Variants in CDH12 observed in about 807,000 individuals in gnomAD.
CDH12 encodes cadherin-12.
A neutral mutation model predicts 74.1 loss-of-function variants in CDH12; 41 were observed. That is an observed-to-expected ratio of 0.55 (90% CI 0.43 to 0.72). The LOEUF is 0.72. Among genes scored for constraint, CDH12 ranks in the 30% least tolerant of loss-of-function variants. The pLI is 0.00. For synonymous variants in CDH12, 399 were observed against 355.0 expected (o/e 1.12, Z -1.39); for missense variants, 945 against 977.2 (o/e 0.97, Z 0.44).
intron 6 of CDH12, among the ~76,000 whole-genome samples, chr5:21,865,492 G>C (rs1751278099): frequency 6.6e-6 from 1 of 152,092 alleles, no homozygotes; most frequent in Admixed American, 6.6e-5. Flanking sequence ...AGTGCTCTGG[G>C]AGGGCAGAAT....
chr5:22,317,256 T>C lies in CDH12; in HGVS notation c.-333+88001A>G, dbSNP rs113163117. ...TGGCTTGAACCTGGGAGGCGGAGAT[T>C]GCAGTGGGCCAAGATTGCACCATTG... On this transcript the variant is annotated intron_variant, in intron 3 of 14. Coordinates refer to ENST00000382254, the MANE Select transcript of CDH12 (RefSeq NM_004061.5). Among the ~76,000 whole-genome samples the C allele has an allele frequency of 1.9e-3, 285 of 152,124 alleles. 1 individual carries two copies. The highest frequency in any genetic ancestry group is 3.9e-3 in the Admixed American group (60 of 15,270).
intron 5 of CDH12, among the ~76,000 whole-genome samples, chr5:22,040,175 A>T (rs1187738817): frequency 6.6e-6 from 1 of 151,994 alleles, no homozygotes; most frequent in Admixed American, 6.6e-5. Flanking sequence ...GTAAAAAAAA[A>T]TTACAGTAGA....
intron 1 of CDH12, among the ~76,000 whole-genome samples, chr5:22,743,543 T>C (rs1745142180): frequency 6.6e-6 from 1 of 152,028 alleles, no homozygotes; most frequent in Non-Finnish European, 1.5e-5. Flanking sequence ...GCATTCTCAT[T>C]TGTAAGACTG....
chr5:22,134,046 A>G (rs1204318897), intron 4 of CDH12, among the ~76,000 whole-genome samples: 1 of 152,132 alleles, frequency 6.6e-6, no homozygotes, highest in African/African-American at 2.4e-5. Flanking sequence ...GAAGAATTAC[A>G]GAGAACAGTA....
chr5:22,559,725 A>T (rs1284193298), intron 1 of CDH12, among the ~76,000 whole-genome samples: 1 of 152,132 alleles, frequency 6.6e-6, no homozygotes, highest in Non-Finnish European at 1.5e-5. Flanking sequence ...ACACACAAAA[A>T]AATCTTAAAG....
intron 1 of CDH12, among the ~76,000 whole-genome samples, chr5:22,588,291 C>T (rs1740514202): frequency 6.6e-6 from 1 of 151,872 alleles, no homozygotes; most frequent in Admixed American, 6.6e-5. Context: ...TGTTAAAGCA[C>T]AGGAGGAATA....
At chr5:21,829,323 A>C (rs191601627) in intron 8 of CDH12, among the ~76,000 whole-genome samples, 5 of 152,118 alleles carry the variant, frequency 3.3e-5, no homozygotes, top group African/African-American at 1.2e-4. Context: ...AAAAACCAAA[A>C]ACCAAAAGCA....
intron 2 of CDH12, among the ~76,000 whole-genome samples, chr5:22,458,084 T>C (rs1745358067): frequency 6.6e-6 from 1 of 152,096 alleles, no homozygotes; most frequent in Admixed American, 6.5e-5. Context: ...TTCACCATAT[T>C]GGCCAGTCTG....
chr5:22,660,781 T>C (rs1740307065), intron 1 of CDH12, among the ~76,000 whole-genome samples: 1 of 152,202 alleles, frequency 6.6e-6, no homozygotes, highest in Non-Finnish European at 1.5e-5. Flanking sequence ...ATAATTTAAA[T>C]ACAATATTTC....
intron 6 of CDH12, among the ~76,000 whole-genome samples, chr5:21,921,360 G>GTTTA (rs1754344263): frequency 6.6e-6 from 1 of 152,104 alleles, no homozygotes; most frequent in African/African-American, 2.4e-5. Flanking sequence ...TTCTCCATCT[G>GTTTA]GTCCTGAAAC....
intron 9 of CDH12, among the ~76,000 whole-genome samples, chr5:21,813,503 T>A (rs1178498011): frequency 6.6e-6 from 1 of 151,888 alleles, no homozygotes; most frequent in African/African-American, 2.4e-5. Context: ...TAAATAAAAA[T>A]AAATAAAAGA....
chr5:22,033,377 T>A (rs1738959137), intron 5 of CDH12, among the ~76,000 whole-genome samples: 1 of 152,190 alleles, frequency 6.6e-6, no homozygotes, highest in Admixed American at 6.5e-5. Context: ...TTCCATTATC[T>A]CAACTTTGCC....
chr5:22,338,693 C>A (rs1203260484), intron 3 of CDH12, among the ~76,000 whole-genome samples: 2 of 152,138 alleles, frequency 1.3e-5, no homozygotes, highest in Non-Finnish European at 2.9e-5. Flanking sequence ...AATATGTACA[C>A]ATACTATGTA....
intron 4 of CDH12, among the ~76,000 whole-genome samples, chr5:22,098,862 C>T (rs1743964144): frequency 6.6e-6 from 1 of 152,176 alleles, no homozygotes; most frequent in Admixed American, 6.5e-5. Flanking sequence ...CACACACCAG[C>T]AAAGGCAGGC....
chr5:21,886,542 T>C (rs571252694), intron 6 of CDH12, among the ~76,000 whole-genome samples: 321 of 146,594 alleles, frequency 2.2e-3, no homozygotes, highest in Non-Finnish European at 3.5e-3. Context: ...TTATATATAA[T>C]ATATATAAAT....
chr5:22,384,721 T>C (rs1461084510), intron 3 of CDH12, among the ~76,000 whole-genome samples: 1 of 152,104 alleles, frequency 6.6e-6, no homozygotes, highest in Non-Finnish European at 1.5e-5. Context: ...TAGATGTGTA[T>C]GTATGTTAAA....
At chr5:21,998,411 G>A (rs1348517449) in intron 5 of CDH12, among the ~76,000 whole-genome samples, 1 of 152,060 alleles carries the variant, frequency 6.6e-6, no homozygotes, top group Non-Finnish European at 1.5e-5. Flanking sequence ...CAGATCATGT[G>A]TAGTTTTATC....
At chr5:22,381,640 C>T (rs1423703786) in intron 3 of CDH12, among the ~76,000 whole-genome samples, 2 of 152,022 alleles carry the variant, frequency 1.3e-5, no homozygotes, top group East Asian at 3.9e-4. Context: ...AAAATTTTAA[C>T]AAAACCTCTT....
At chr5:22,406,417 T>C (rs970529498) in intron 2 of CDH12, among the ~76,000 whole-genome samples, 1 of 152,142 alleles carries the variant, frequency 6.6e-6, no homozygotes, top group Non-Finnish European at 1.5e-5. Flanking sequence ...GGTAAACCAA[T>C]TAATTGTATT....
Sources: gnomAD v4.1 joint callset for allele counts (sites outside exome capture counted in the v4.1 genomes callset) on GRCh38, gnomAD v4.1.1 for gene constraint, MANE v1.5 for transcripts, NCBI Gene and HGNC (gene_info 2026-07-23, HGNC 2026-07-21) for gene names.